STK4: variants seen among roughly 807,000 people sequenced by gnomAD.
The protein encoded by STK4 is serine/threonine-protein kinase 4.
STK4 carries 30 observed loss-of-function variants against 64.9 expected under a neutral mutation model. The ratio of observed to expected loss-of-function variants is 0.46; its 90% CI spans 0.35 to 0.63. STK4 has a LOEUF of 0.63. Ranked by LOEUF, STK4 falls within the 20% of genes least tolerant of loss-of-function variation. The pLI is 0.01. For missense variants in STK4, 466 were observed against 598.5 expected (o/e 0.78, Z 2.31); for synonymous variants, 177 against 199.0 (o/e 0.89, Z 0.93).
chr20:45,058,662 A>T (rs1168836918), intron 10 of STK4, among the ~76,000 whole-genome samples: 2 of 152,158 alleles, frequency 1.3e-5, no homozygotes, highest in African/African-American at 4.8e-5. Context: ...GGAAATTTCC[A>T]GCCCAAGAAA....
chr20:45,075,219 GGT>G lies in STK4; in HGVS notation c.*45_*46del. Reference sequence around the variant, plus strand: ...GGGCCCCAGCTCCACCCAGGCTTTGGGTGAATTCTGGATGGCTTGCCTCATGT... The same window carrying G: ...GGGCCCCAGCTCCACCCAGGCTTTGGGAATTCTGGATGGCTTGCCTCATGT... On this transcript the variant is annotated 3_prime_UTR_variant, in exon 11 of 11. Coordinates refer to ENST00000372806, the MANE Select transcript of STK4 (RefSeq NM_006282.5). The G allele has an allele frequency of 6.2e-7, 1 of 1,601,234 alleles. No individual in the cohort carries two copies. Among genetic ancestry groups the G allele is most frequent in the Non-Finnish European group, 8.5e-7 (1 of 1,175,804 alleles).
At chr20:45,056,432 C>T (rs544598636) in intron 10 of STK4, among the ~76,000 whole-genome samples, 3 of 152,192 alleles carry the variant, frequency 2.0e-5, no homozygotes, top group African/African-American at 7.2e-5. Context: ...GAGTTTGTTC[C>T]TTTTTATTGC....
chr20:45,032,541 G>A (rs892513227), intron 10 of STK4, among the ~76,000 whole-genome samples: 17 of 152,126 alleles, frequency 1.1e-4, no homozygotes, highest in Admixed American at 9.8e-4. Flanking sequence ...TTCTGTCCTT[G>A]TGTTAGTTTG....
At chr20:45,055,051 A>G (rs1978350927) in intron 10 of STK4, among the ~76,000 whole-genome samples, 1 of 152,156 alleles carries the variant, frequency 6.6e-6, no homozygotes, top group Non-Finnish European at 1.5e-5. Context: ...GGGCATGTAC[A>G]CAATTTCTCT....
chr20:45,024,058 G>A (rs1360230591), intron 9 of STK4, among the ~76,000 whole-genome samples: 1 of 151,392 alleles, frequency 6.6e-6, no homozygotes, highest in Admixed American at 6.6e-5. Flanking sequence ...CCGCCACCAC[G>A]CCCGGCTAAT....
chr20:44,994,056 C>G (rs1358952217), intron 5 of STK4, among the ~76,000 whole-genome samples: 1 of 151,758 alleles, frequency 6.6e-6, no homozygotes, highest in Non-Finnish European at 1.5e-5. Context: ...GCCATGCCAT[C>G]CTGAGAAAGT....
chr20:45,000,073 T>A (rs1286568991), intron 7 of STK4, among the ~76,000 whole-genome samples: 1 of 152,210 alleles, frequency 6.6e-6, no homozygotes, highest in Non-Finnish European at 1.5e-5. Flanking sequence ...CCAAACATTG[T>A]GGCAGCTATA....
chr20:45,037,402 A>G (rs1240692904), intron 10 of STK4, among the ~76,000 whole-genome samples: 1 of 149,704 alleles, frequency 6.7e-6, no homozygotes, highest in Non-Finnish European at 1.5e-5. Context: ...GTACTCTTTT[A>G]GATTTTTTCC....
chr20:45,017,990 G>A (rs906109448), intron 9 of STK4, among the ~76,000 whole-genome samples: 1 of 152,164 alleles, frequency 6.6e-6, no homozygotes, highest in Admixed American at 6.5e-5. Context: ...GACATTCAAA[G>A]GAATATTTAT....
chr20:44,975,179 T>C (rs2067318105), intron 2 of STK4: 1 of 180,418 alleles, frequency 5.5e-6, no homozygotes, highest in South Asian at 1.9e-4. Context: ...GCATGGCTTA[T>C]GTAAAACACC....
At chr20:44,972,386 C>T (rs1214827436) in intron 2 of STK4, 1 of 403,852 alleles carries the variant, frequency 2.5e-6, no homozygotes, top group Non-Finnish European at 4.4e-6. Flanking sequence ...TTTGTAGGAT[C>T]TGTATGATTT....
At chr20:45,034,982 G>GTA (rs1289864069) in intron 10 of STK4, among the ~76,000 whole-genome samples, 2 of 151,956 alleles carry the variant, frequency 1.3e-5, no homozygotes, top group African/African-American at 4.8e-5. Flanking sequence ...ACCTATGTAT[G>GTA]TATATGTGTG....
intron 9 of STK4, among the ~76,000 whole-genome samples, chr20:45,016,221 C>G (rs1408055233): frequency 6.6e-6 from 1 of 152,054 alleles, no homozygotes; most frequent in Non-Finnish European, 1.5e-5. Context: ...ATTAAATAGC[C>G]CAGAATACAA....
At chr20:44,978,295 A>C (rs554786327) in intron 2 of STK4, 148 bp from the exon 3 acceptor site, 3 of 983,710 alleles carry the variant, frequency 3.0e-6, no homozygotes, top group Non-Finnish European at 4.2e-6. Flanking sequence ...TTTCCCCAAA[A>C]GTATTTTAGC....
At position 44,969,005 on chromosome 20, in the gene STK4, G is replaced by A. The variant is rs117801221; in HGVS notation, c.35+2402G>A. On this transcript the variant is annotated intron_variant, in intron 1 of 10. Transcript: ENST00000372806. ...TTCTTTTGACGCCTTTGCTTGACTC[G>A]TAGATGGCCATCTCCCTGTGTCTCC... Among the ~76,000 whole-genome samples the A allele has an allele frequency of 6.4e-4, 97 of 152,212 alleles. No individual in the cohort carries two copies. The East Asian group carries it at 0.018, about 28-fold the overall frequency.
chr20:45,061,099 C>G (rs1278535932), intron 10 of STK4, among the ~76,000 whole-genome samples: 1 of 152,118 alleles, frequency 6.6e-6, no homozygotes, highest in Non-Finnish European at 1.5e-5. Flanking sequence ...AACTGTATTA[C>G]CTTTGGTCAA....
intron 10 of STK4, among the ~76,000 whole-genome samples, chr20:45,051,062 A>G (rs2068769364): frequency 6.6e-6 from 1 of 152,208 alleles, no homozygotes; most frequent in Non-Finnish European, 1.5e-5. Context: ...GAAACTTTCC[A>G]CTTCAAACTC....
chr20:44,988,523 A>ATGTGTGTGTGTGTATATATATG (rs371237761), intron 5 of STK4, among the ~76,000 whole-genome samples: 1 of 108,612 alleles, frequency 9.2e-6, no homozygotes, highest in Non-Finnish European at 1.7e-5. Flanking sequence ...GTGTATATAT[A>ATGTGTGTGTGTGTATATATATG]TGTGTGTGTG....
intron 9 of STK4, among the ~76,000 whole-genome samples, chr20:45,012,682 T>G (rs369172918): frequency 6.6e-6 from 1 of 152,152 alleles, no homozygotes; most frequent in South Asian, 2.1e-4. Flanking sequence ...TTATTCATTG[T>G]AACAGGTTTT....
Sources: allele counts gnomAD v4.1 joint callset (sites outside exome capture counted in the v4.1 genomes callset), GRCh38; gene constraint gnomAD v4.1.1; transcripts MANE v1.5; gene names NCBI Gene and HGNC (gene_info 2026-07-23, HGNC 2026-07-21).